NFATC2: variants seen among roughly 807,000 people sequenced by gnomAD.
The protein encoded by NFATC2 is nuclear factor of activated T-cells, cytoplasmic 2.
In NFATC2, 22 loss-of-function variants were observed where a neutral mutation model predicts 87.3. That is an observed-to-expected ratio of 0.25 (90% CI 0.18 to 0.36). The LOEUF (loss-of-function observed/expected upper bound fraction) is 0.36. Ranked by LOEUF, NFATC2 falls within the 10% of genes least tolerant of loss-of-function variation. The pLI, the probability that NFATC2 is intolerant of heterozygous loss-of-function variation, is 1.00. For missense variants in NFATC2, 1,149 were observed against 1,259.1 expected (o/e 0.91, Z 1.32); for synonymous variants, 565 against 542.2 (o/e 1.04, Z -0.58).
chr20:51,495,628 T>A (rs896409536), intron 3 of NFATC2, among the ~76,000 whole-genome samples: 1 of 152,244 alleles, frequency 6.6e-6, no homozygotes, highest in Admixed American at 6.5e-5. Context: ...CACTCATTTT[T>A]AGCAAGCATG....
chr20:51,482,237 G>A (rs192969812), intron 3 of NFATC2, among the ~76,000 whole-genome samples: 137 of 152,094 alleles, frequency 9.0e-4, no homozygotes, highest in African/African-American at 3.0e-3. Context: ...GACCCTCAGC[G>A]TCAAAGAGAA....
intron 2 of NFATC2, among the ~76,000 whole-genome samples, chr20:51,520,505 C>CA (rs977930825): frequency 2.0e-5 from 3 of 151,070 alleles, no homozygotes; most frequent in African/African-American, 7.3e-5. Flanking sequence ...CCTGTCTCCC[C>CA]AGTGACTAGC....
At chr20:51,502,925 C>T (rs567675442) in intron 3 of NFATC2, among the ~76,000 whole-genome samples, 1 of 152,330 alleles carries the variant, frequency 6.6e-6, no homozygotes, top group South Asian at 2.1e-4. Flanking sequence ...TTCAGCTTCA[C>T]TTCTTATTCA....
At position 51,523,251 on chromosome 20, in the gene NFATC2, C is replaced by T. The variant is rs766424535; in HGVS notation, c.990G>A (p.Ser330=). The change falls in exon 2 of 11, where the codon TCG becomes TCA. Residue 330 remains serine, a synonymous_variant. Coordinates refer to ENST00000371564, the MANE Select transcript of NFATC2 (RefSeq NM_012340.5). The surrounding 1 kb of genome is among the most constrained non-coding windows in gnomAD (Gnocchi z 6.9). ...PKMWKTSPDP[S]PVSAAPSKAG... ...CCTTGGATGGGGCGGCAGACACCGG[C>T]GAGGGGTCAGGGCTGGTCTTCCACA... 6.8e-6 allele frequency: 11 copies of T among 1,613,542 alleles called. No homozygotes were observed. Among genetic ancestry groups the T allele is most frequent in the Admixed American group, 1.7e-5 (1 of 59,986 alleles).
In NFATC2 at chr20:51,467,359, C is replaced by T. The variant is rs1987790694; in HGVS notation, c.1708+6621G>A. 2.0e-5 allele frequency among the ~76,000 whole-genome samples: 3 copies of T among 151,946 alleles called. No individual in the cohort carries two copies. In the South Asian group the frequency reaches 6.2e-4, roughly 32 times the overall value. ...ATCACCTGAGGTCAGGAGTTCGAGA[C>T]CAGCCTGGCCAACATGGTGAAACCC... is the stretch of plus-strand genomic sequence containing the variant. On this transcript the variant is annotated intron_variant, in intron 5 of 10. Coordinates refer to ENST00000371564, the MANE Select transcript of NFATC2 (RefSeq NM_012340.5).
intron 1 of NFATC2, among the ~76,000 whole-genome samples, chr20:51,557,178 G>T (rs1195286625): frequency 6.6e-6 from 1 of 152,188 alleles, no homozygotes; most frequent in East Asian, 1.9e-4. Flanking sequence ...CAAGCTCTCA[G>T]GGTTTTGTGG....
At chr20:51,398,820 CAAGCCCAGGAGGGAACTTAA>C (rs776701716) in intron 9 of NFATC2, 90 bp from the exon 10 acceptor site, 335 of 896,638 alleles carry the variant, frequency 3.7e-4, no homozygotes, top group Middle Eastern at 6.5e-4. Flanking sequence ...CGATATCATC[CAAGCCCAGGAGGGAACTTAA>C]CCCTTTGGCT....
chr20:51,474,454 A>C (rs1988521582), intron 4 of NFATC2, among the ~76,000 whole-genome samples: 1 of 152,234 alleles, frequency 6.6e-6, no homozygotes, highest in Non-Finnish European at 1.5e-5. Context: ...TCAATAGATA[A>C]GAGTAGTGAA....
intron 1 of NFATC2, among the ~76,000 whole-genome samples, chr20:51,557,477 G>C (rs1296649045): frequency 2.0e-5 from 3 of 152,196 alleles, no homozygotes; most frequent in Non-Finnish European, 2.9e-5. Context: ...GTGAGTGGTG[G>C]CTGCTGTCAC....
intron 9 of NFATC2, among the ~76,000 whole-genome samples, chr20:51,400,107 T>C (rs546882983): frequency 2.6e-5 from 4 of 151,338 alleles, no homozygotes; most frequent in Non-Finnish European, 5.9e-5. Context: ...CACCCATACA[T>C]GCTTCTGGAT....
In NFATC2 at chr20:51,430,482, C is replaced by T. The variant is rs186045273; in HGVS notation, c.2722+1585G>A. On this transcript the variant is annotated intron_variant, in intron 9 of 10. Coordinates refer to ENST00000371564, the MANE Select transcript of NFATC2 (RefSeq NM_012340.5). ...AAAACAGAGCACCATGACTTTAACT[C>T]AACCTGTGCTTGATTATTCAGGATC... 2.6e-5 allele frequency among the ~76,000 whole-genome samples: 4 copies of T among 152,352 alleles called. No individual in the cohort carries two copies. The East Asian group carries it at 7.7e-4, about 29-fold the overall frequency.
chr20:51,473,181 GCAATGATA>G, intron 5 of NFATC2, among the ~76,000 whole-genome samples: 1 of 152,122 alleles, frequency 6.6e-6, no homozygotes, highest in East Asian at 1.9e-4. Context: ...AAAATCTTCT[GCAATGATA>G]CAACCATCTG....
In NFATC2 at chr20:51,435,711, G is replaced by T. The variant is rs1983462958; in HGVS notation, c.1900C>A (p.Gln634Lys). 2 of 1,609,682 alleles carry T rather than the reference G, an allele frequency of 1.2e-6. No homozygotes were observed. Among genetic ancestry groups the T allele is most frequent in the Non-Finnish European group, 1.7e-6 (2 of 1,178,038 alleles). Residue 634 changes from glutamine (Q) to lysine (K), a missense_variant, in exon 7 of 11, where the codon CAG (glutamine) becomes AAG (lysine). Coordinates refer to ENST00000371564, the MANE Select transcript of NFATC2 (RefSeq NM_012340.5). ...CAGGTGCGTCACGTGCTTACGGGCT[G>T]GCTCTTGTCCTTATCCACCGTGGCT... ...MEATVDKDKS[Q>K]PNMLFVEIPE...
At chr20:51,421,575 A>T (rs1980926195) in intron 9 of NFATC2, among the ~76,000 whole-genome samples, 1 of 152,218 alleles carries the variant, frequency 6.6e-6, no homozygotes, top group East Asian at 1.9e-4. Flanking sequence ...CTGTGGACAG[A>T]GCAAGTGGAT....
intron 9 of NFATC2, among the ~76,000 whole-genome samples, chr20:51,425,317 G>A (rs549506778): frequency 2.0e-4 from 31 of 152,364 alleles, no homozygotes; most frequent in African/African-American, 7.5e-4. Context: ...CCTTTTATTG[G>A]TGTCGGCTCC....
At chr20:51,447,778 T>G (rs1030179906) in intron 6 of NFATC2, among the ~76,000 whole-genome samples, 1 of 152,236 alleles carries the variant, frequency 6.6e-6, no homozygotes, top group Non-Finnish European at 1.5e-5. Context: ...TTTCAGCAAT[T>G]ACTGAGAATG....
intron 2 of NFATC2, among the ~76,000 whole-genome samples, chr20:51,517,570 G>A (rs1162713823): frequency 2.0e-5 from 3 of 151,428 alleles, no homozygotes; most frequent in Non-Finnish European, 2.9e-5. Context: ...CCAGACTGAG[G>A]GACCAGAGTG....
chr20:51,437,979 CCT>C (rs1374512494), intron 6 of NFATC2, among the ~76,000 whole-genome samples: 1 of 151,162 alleles, frequency 6.6e-6, no homozygotes, highest in African/African-American at 2.4e-5. Flanking sequence ...ACTTCGGCCC[CCT>C]GTTTTCTCAG....
Position 51,488,868 on chromosome 20 carries a change from T to TC in NFATC2, c.1333-13209dup, listed in dbSNP as rs529738075. Reference sequence around the variant, plus strand: ...GATCCTATCACTTCCCTACTTAAAATCCCCCCATGGCTTCCCAGTGCATAA... The same window carrying TC: ...GATCCTATCACTTCCCTACTTAAAATCCCCCCCATGGCTTCCCAGTGCATAA... On this transcript the variant is annotated intron_variant, in intron 3 of 10. Coordinates refer to ENST00000371564, the MANE Select transcript of NFATC2 (RefSeq NM_012340.5). Among the ~76,000 whole-genome samples the TC allele has an allele frequency of 5.4e-3, 822 of 152,136 alleles. 5 individuals carry two copies. The highest frequency in any genetic ancestry group is 0.019 in the African/African-American group (775 of 41,490).
Sources: gnomAD v4.1 joint callset for allele counts (sites outside exome capture counted in the v4.1 genomes callset) on GRCh38, gnomAD v4.1.1 for gene constraint, Gnocchi (gnomAD v3.1) non-coding constraint, MANE v1.5 for transcripts, NCBI Gene and HGNC (gene_info 2026-07-23, HGNC 2026-07-21) for gene names.